MORC2: variants seen among roughly 807,000 people sequenced by gnomAD.
The protein encoded by MORC2 is MORC family CW-type zinc finger 2.
Under a neutral mutation model 136.0 loss-of-function variants are expected in MORC2, and 30 were observed. The observed-to-expected ratio is 0.22, with a 90% CI of 0.17 to 0.30. The LOEUF (loss-of-function observed/expected upper bound fraction) is 0.30, where lower values mean the gene tolerates loss of function less well. Ranked by LOEUF, MORC2 falls within the 10% of genes least tolerant of loss-of-function variation. The probability of loss-of-function intolerance (pLI) is 1.00; values close to 1 mark genes in which losing one functional copy is unlikely to be tolerated. For synonymous variants in MORC2, 439 were observed against 487.0 expected, an observed-to-expected ratio of 0.90 and a Z score of 1.30; for missense variants, 922 against 1,333.1, an observed-to-expected ratio of 0.69 and a Z score of 4.80.
rs768689490 is a variant in MORC2, at chr22:30,949,808, C to T, written c.261G>A (p.Ser87=). 53 of 1,614,052 alleles carry T rather than the reference C, an allele frequency of 3.3e-5. No individual in the cohort carries two copies. Among genetic ancestry groups the T allele is most frequent in the Non-Finnish European group, 4.2e-5 (49 of 1,180,036 alleles). Residue 87 remains serine (S), a synonymous_variant, in exon 5 of 26, where the codon TCG becomes TCA. Coordinates refer to ENST00000397641, the MANE Select transcript of MORC2 (RefSeq NM_001303256.3). ...DAASVIQFGK[S]AKRTPESTQI... is the part of the protein sequence containing the mutation. ...GAGTAGACTCAGGTGTTCGCTTGGC[C>T]GACTTCCCAAACTGGATCACACTGG...
At chr22:30,936,856 G>T in intron 16 of MORC2, 76 bp downstream of exon 16, 1 of 1,414,290 alleles carries the variant, frequency 7.1e-7, no homozygotes, top group Non-Finnish European at 9.9e-7. Flanking sequence ...TAAGGTATGT[G>T]CACTGACCTC....
rs1231817919 is a variant in MORC2, at chr22:30,925,130, T to G, written c.*1673A>C. The G allele has an allele frequency of 2.8e-6, 1 of 356,104 alleles. No individual in the cohort carries two copies. Among genetic ancestry groups the G allele is most frequent in the Non-Finnish European group, 5.6e-6 (1 of 180,016 alleles). The allele number at this position is 356,104 out of a possible 1,614,324, so 22.1% of individuals were successfully genotyped here. On this transcript the variant is annotated 3_prime_UTR_variant, in exon 26 of 26. Coordinates refer to ENST00000397641, the MANE Select transcript of MORC2 (RefSeq NM_001303256.3). The stretch of plus-strand genomic sequence containing the variant: ...GATTTTACTAAGAAAACAGACTGAG[T>G]TCAGGAGTCTCACCAGTAGAACTTT...
At position 30,942,178 on chromosome 22, in the gene MORC2, T is replaced by C; in HGVS notation, c.520A>G (p.Lys174Glu). The C allele has an allele frequency of 6.2e-7, 1 of 1,614,160 alleles. No individual in the cohort carries two copies. The highest frequency in any genetic ancestry group is 8.5e-7 in the Non-Finnish European group (1 of 1,179,990). The change falls in exon 7 of 26, where the codon AAG becomes GAG. Residue 174 changes from lysine to glutamate, a missense_variant. This residue lies in a region of MORC2 where 261 missense variants were observed against 354.3 expected (regional missense o/e 0.74). Transcript: ENST00000397641. ...KFAIETELIY[K>E]YSPFRTEEEV... ...TCCTCAGTGCGGAATGGAGAGTACT[T>C]ATAGATGAGTTCTGTCTCAATGGCA... is the stretch of plus-strand genomic sequence containing the variant.
intron 6 of MORC2, among the ~76,000 whole-genome samples, chr22:30,943,955 A>G (rs1486522343): frequency 6.6e-6 from 1 of 152,118 alleles, no homozygotes; most frequent in African/African-American, 2.4e-5. Context: ...TTTAGTAGAG[A>G]CGGGGTTTCA....
At chr22:30,965,216 C>A (rs1351883713) in intron 1 of MORC2, among the ~76,000 whole-genome samples, 1 of 152,158 alleles carries the variant, frequency 6.6e-6, no homozygotes, top group African/African-American at 2.4e-5. Flanking sequence ...CCATTTATTT[C>A]CTAATTCGCA....
rs750335952 is a variant in MORC2, at chr22:30,928,169, G to C, written c.2880C>G (p.Asn960Lys). 13 of 1,614,026 alleles carry C rather than the reference G, an allele frequency of 8.1e-6. No individual in the cohort carries two copies. Among genetic ancestry groups the C allele is most frequent in the Non-Finnish European group, 1.0e-5 (12 of 1,180,038 alleles). Residue 960 changes from asparagine to lysine, a missense_variant, in exon 25 of 26, where the codon AAC becomes AAG. By Grantham distance (94) the Asn-to-Lys change is moderately conservative. Transcript: ENST00000397641. ...YFKQYEVGLQNLCNSYQSRAD... is the reference protein window; with the variant it reads ...YFKQYEVGLQKLCNSYQSRAD... ...CACGGCTCTGGTAGGAATTGCACAGGTTTTGGAGCCCTACTTCATATTGCT... is the reference window on the plus strand; with the variant it reads ...CACGGCTCTGGTAGGAATTGCACAGCTTTTGGAGCCCTACTTCATATTGCT...
At chr22:30,940,684 G>T in intron 10 of MORC2, 74 bp downstream of exon 10, 1 of 1,348,806 alleles carries the variant, frequency 7.4e-7, no homozygotes, top group Non-Finnish European at 1.1e-6. Context: ...CCTTTTCCTG[G>T]AACCCCACTT....
chr22:30,957,158 T>C (rs1205894958), intron 2 of MORC2, among the ~76,000 whole-genome samples: 1 of 152,220 alleles, frequency 6.6e-6, no homozygotes, highest in Non-Finnish European at 1.5e-5. Context: ...ATTGCAATCA[T>C]AAAAAGATGT....
At chr22:30,940,653 G>T (rs182010666) in intron 10 of MORC2, 105 bp downstream of exon 10, 2 of 950,632 alleles carry the variant, frequency 2.1e-6, no homozygotes, top group Non-Finnish European at 3.4e-6. Flanking sequence ...GACCAGCCTT[G>T]TCCCTGAGTT....
Position 30,939,659 on chromosome 22 carries a change from T to C in MORC2, c.1035A>G (p.Glu345=). ...CCTTGATCCTCTTCTTGACATCGGCTTCTCTGCGCAGAGTGATGGCTCTGT... is the reference window on the plus strand; with the variant it reads ...CCTTGATCCTCTTCTTGACATCGGCCTCTCTGCGCAGAGTGATGGCTCTGT... The part of the protein sequence containing the change: ...VQNRAITLRR[E]ADVKKRIKEA... The change falls in exon 12 of 26, where the codon GAA becomes GAG. Residue 345 remains glutamate, a synonymous_variant. Coordinates refer to ENST00000397641, the MANE Select transcript of MORC2 (RefSeq NM_001303256.3). The C allele has an allele frequency of 6.2e-7, 1 of 1,614,194 alleles. No individual in the cohort carries two copies. Among genetic ancestry groups the C allele is most frequent in the Non-Finnish European group, 8.5e-7 (1 of 1,180,040 alleles).
intron 4 of MORC2, 38 bp downstream of exon 4, chr22:30,950,339 A>AGCCCCCCC: frequency 5.6e-6 from 3 of 539,978 alleles, no homozygotes; most frequent in South Asian, 1.7e-5. Context: ...GTTACATCGC[A>AGCCCCCCC]CCCCCCCACC....
At chr22:30,962,222 A>G (rs2147320112) in intron 1 of MORC2, among the ~76,000 whole-genome samples, 1 of 151,174 alleles carries the variant, frequency 6.6e-6, no homozygotes, top group East Asian at 1.9e-4. Flanking sequence ...AAAAAAAAAG[A>G]AAGAAAGAAA....
At chr22:30,931,175 A>C (rs945010844) in intron 24 of MORC2, among the ~76,000 whole-genome samples, 9 of 152,024 alleles carry the variant, frequency 5.9e-5, no homozygotes, top group Non-Finnish European at 1.0e-4. Context: ...TTCTACCCAA[A>C]CACGCTGCTA....
intron 5 of MORC2, among the ~76,000 whole-genome samples, chr22:30,946,875 G>C (rs1364931740): frequency 1.3e-5 from 2 of 152,056 alleles, no homozygotes; most frequent in African/African-American, 4.8e-5. Context: ...GACTTTAGTA[G>C]CTGGTACCCT....
intron 1 of MORC2, 158 bp from the exon 2 acceptor site, chr22:30,958,852 A>C: frequency 3.5e-6 from 2 of 572,144 alleles, no homozygotes; most frequent in East Asian, 3.0e-5. Flanking sequence ...GAGCTCCCCA[A>C]CTCCCCTCAA....
At chr22:30,967,580 C>T in intron 1 of MORC2, 11 of 1,327,114 alleles carry the variant, frequency 8.3e-6, no homozygotes, top group Non-Finnish European at 1.1e-5. Context: ...CTTCAAATAA[C>T]TAAAGTTTGC....
intron 1 of MORC2, among the ~76,000 whole-genome samples, chr22:30,962,561 C>T (rs1441678957): frequency 6.7e-6 from 1 of 148,274 alleles, no homozygotes; most frequent in Non-Finnish European, 1.5e-5. Context: ...CGCCACGGCA[C>T]ACCAACCTGG....
rs770228499 is a variant in MORC2 at position 30,935,237 on chromosome 22, C to T, written c.1812+11G>A. ...CTGAGGAAAAGCCCTTCCCAGGCCC[C>T]TGGACTTCACCTCAGTGGAAGGTCT... is the stretch of plus-strand genomic sequence containing the variant. On this transcript the variant is annotated intron_variant, in intron 18 of 25. Transcript: ENST00000397641. 6 of 1,613,172 alleles carry T rather than the reference C, an allele frequency of 3.7e-6. No individual in the cohort carries two copies. The highest frequency in any genetic ancestry group is 5.1e-6 in the Non-Finnish European group (6 of 1,179,628).
At chr22:30,953,959 A>G (rs2040928531) in intron 3 of MORC2, among the ~76,000 whole-genome samples, 1 of 152,130 alleles carries the variant, frequency 6.6e-6, no homozygotes, top group East Asian at 1.9e-4. Context: ...TCAGAAGTGG[A>G]GATAAGAAAA....
Sources: allele counts gnomAD v4.1 joint callset (sites outside exome capture counted in the v4.1 genomes callset), GRCh38; gene constraint gnomAD v4.1.1; regional missense constraint gnomAD v4.1.1; transcripts MANE v1.5; gene names NCBI Gene and HGNC (gene_info 2026-07-23, HGNC 2026-07-21).